GIPC2: variants seen among roughly 807,000 people sequenced by gnomAD.
GIPC2 encodes the protein GIPC PDZ domain containing family member 2, also known as PDZ domain-containing protein GIPC2.
Under a neutral mutation model 30.6 loss-of-function variants are expected in GIPC2, and 30 were observed. The ratio of observed to expected loss-of-function variants is 0.98; its 90% CI spans 0.73 to 1.33. GIPC2 has a LOEUF of 1.33. GIPC2 is among the 40% of genes most tolerant of loss of function. The pLI, the probability that GIPC2 is intolerant of heterozygous loss-of-function variation, is 0.00. For missense variants in GIPC2, 414 were observed against 390.3 expected, an observed-to-expected ratio of 1.06 and a Z score of -0.51; for synonymous variants, 167 against 150.0, an observed-to-expected ratio of 1.11 and a Z score of -0.83.
At chr1:78,077,812 G>A (rs1184799816) in intron 1 of GIPC2, among the ~76,000 whole-genome samples, 1 of 152,228 alleles carries the variant, frequency 6.6e-6, no homozygotes, top group Non-Finnish European at 1.5e-5. Context: ...AAAGCTCACA[G>A]TAGCTTCTTA....
chr1:78,125,099 T>C (rs1055585113), intron 4 of GIPC2, among the ~76,000 whole-genome samples: 1 of 152,194 alleles, frequency 6.6e-6, no homozygotes, highest in Non-Finnish European at 1.5e-5. Flanking sequence ...GGCAGAATTA[T>C]GGCTCACTAC....
chr1:78,088,132 G>T (rs1170752714), intron 2 of GIPC2, among the ~76,000 whole-genome samples: 1 of 152,146 alleles, frequency 6.6e-6, no homozygotes, highest in Admixed American at 6.5e-5. Context: ...AGAGAAAAGG[G>T]AACCCTCATA....
rs1662109829 is a variant in GIPC2, at chr1:78,094,979, T to C, written c.454T>C (p.Ser152Pro). The C allele has an allele frequency of 7.5e-6, 12 of 1,601,840 alleles. No individual in the cohort carries two copies. The highest frequency in any genetic ancestry group is 1.0e-5 in the Non-Finnish European group (12 of 1,169,190). Residue 152 changes from serine to proline, a missense_variant, in exon 3 of 6, where the codon TCA (serine) becomes CCA (proline). Ser to Pro is a moderately conservative substitution (Grantham distance 74). Transcript: ENST00000370759. Reference sequence around the variant, plus strand: ...AATTAAAGATGGTGGTGTTATTGACTCAGTTAAAACAATCTGTGTTGGGGA... The same window carrying C: ...AATTAAAGATGGTGGTGTTATTGACCCAGTTAAAACAATCTGTGTTGGGGA... Reference protein sequence around the residue: ...KRIKDGGVIDSVKTICVGDHI... With the variant: ...KRIKDGGVIDPVKTICVGDHI...
intron 2 of GIPC2, among the ~76,000 whole-genome samples, chr1:78,083,590 T>G (rs1661871596): frequency 6.6e-6 from 1 of 152,212 alleles, no homozygotes; most frequent in African/African-American, 2.4e-5. Context: ...GAATTAATTT[T>G]TCCTATAATG....
At chr1:78,070,032 C>G (rs1349193274) in intron 1 of GIPC2, among the ~76,000 whole-genome samples, 1 of 152,172 alleles carries the variant, frequency 6.6e-6, no homozygotes, top group East Asian at 1.9e-4. Context: ...AAATATCACA[C>G]TCTCTTCAGA....
chr1:78,088,650 A>G (rs935443588), intron 2 of GIPC2, among the ~76,000 whole-genome samples: 1 of 152,094 alleles, frequency 6.6e-6, no homozygotes, highest in African/African-American at 2.4e-5. Flanking sequence ...AAAATCCCTT[A>G]ACCCCAACAT....
intron 3 of GIPC2, among the ~76,000 whole-genome samples, chr1:78,106,335 G>A (rs1276004200): frequency 2.6e-5 from 4 of 151,894 alleles, no homozygotes; most frequent in East Asian, 3.9e-4. Context: ...CGAGATGGGC[G>A]GATCACGAGG....
At chr1:78,118,617 C>T (rs1484398261) in intron 3 of GIPC2, among the ~76,000 whole-genome samples, 1 of 152,204 alleles carries the variant, frequency 6.6e-6, no homozygotes, top group Non-Finnish European at 1.5e-5. Context: ...CTTGTCCTTG[C>T]TGTCTGCAGG....
In GIPC2 at chr1:78,132,665, ATG is replaced by A. The variant is rs61463492; in HGVS notation, c.797-2895_797-2894del. On this transcript the variant is annotated intron_variant, in intron 5 of 5. Transcript: ENST00000370759. ...TTCTTTTTCCCTCTTATAGCCAAGG[ATG>A]TGTGTGTGTGTGTGTGTGTGTGTGT... 3.8e-3 allele frequency among the ~76,000 whole-genome samples: 544 copies of A among 142,666 alleles called. 3 individuals are homozygous for A. The highest frequency in any genetic ancestry group is 0.012 in the African/African-American group (453 of 38,532). 93.6% of individuals were successfully genotyped at this position (142,666 alleles called of 152,430 possible).
intron 3 of GIPC2, among the ~76,000 whole-genome samples, chr1:78,107,343 C>T (rs1350825779): frequency 6.6e-6 from 1 of 152,016 alleles, no homozygotes; most frequent in Non-Finnish European, 1.5e-5. Flanking sequence ...TGGGATCTCA[C>T]TCCTTTGCCC....
rs1427142023 is a variant in GIPC2, at chr1:78,046,135, A to G, written c.41A>G (p.Lys14Arg). ...CGGGGGAAGAAGAAGGCCAAGTCCAAGGAGACCGCCGGGCTGGTGGAGGGC... is the reference window on the plus strand; with the variant it reads ...CGGGGGAAGAAGAAGGCCAAGTCCAGGGAGACCGCCGGGCTGGTGGAGGGC... Reference protein sequence around the residue: ...KLRGKKKAKSKETAGLVEGEP... With the variant: ...KLRGKKKAKSRETAGLVEGEP... Residue 14 changes from lysine (K) to arginine (R), a missense_variant, in exon 1 of 6, where the codon AAG becomes AGG. By Grantham distance (26) the Lys-to-Arg change is conservative. Transcript: ENST00000370759. The G allele has an allele frequency of 2.0e-6, 3 of 1,528,610 alleles. No homozygotes were observed. Among genetic ancestry groups the G allele is most frequent in the Non-Finnish European group, 2.6e-6 (3 of 1,140,586 alleles). 94.7% of individuals were successfully genotyped at this position (1,528,610 alleles called of 1,614,324 possible).
chr1:78,100,655 T>G (rs1432148852), intron 3 of GIPC2, among the ~76,000 whole-genome samples: 1 of 151,946 alleles, frequency 6.6e-6, no homozygotes, highest in Admixed American at 6.6e-5. Flanking sequence ...AAGGGCTGGG[T>G]GCGGTGGTTC....
chr1:78,102,636 A>G (rs984163764), intron 3 of GIPC2, among the ~76,000 whole-genome samples: 1 of 152,174 alleles, frequency 6.6e-6, no homozygotes, highest in African/African-American at 2.4e-5. Flanking sequence ...AAGTTATTTA[A>G]CCTTTCTGTG....
At chr1:78,082,081 G>A (rs893231444) in intron 2 of GIPC2, among the ~76,000 whole-genome samples, 15 of 151,620 alleles carry the variant, frequency 9.9e-5, no homozygotes, top group Non-Finnish European at 1.5e-4. Flanking sequence ...CACTATTTTC[G>A]GCTTCTTTTG....
chr1:78,046,159 G>T lies in GIPC2; in HGVS notation c.65G>T (p.Gly22Val), dbSNP rs1343462450. 1 of 1,552,622 alleles carries T rather than the reference G, an allele frequency of 6.4e-7. No homozygotes were observed. ...KSKETAGLVE[G>V]EPTGAGGGSL... is the part of the protein sequence containing the mutation. ...AAGGAGACCGCCGGGCTGGTGGAGG[G>T]CGAGCCGACGGGCGCGGGCGGCGGG... Residue 22 changes from glycine (G) to valine (V), a missense_variant, in exon 1 of 6, where the codon GGC (glycine) becomes GTC (valine). Transcript: ENST00000370759.
At chr1:78,120,823 C>A (rs2100430496) in intron 4 of GIPC2, among the ~76,000 whole-genome samples, 1 of 152,298 alleles carries the variant, frequency 6.6e-6, no homozygotes. Flanking sequence ...GTCCCTCCCA[C>A]AACATGTGGG....
At chr1:78,106,844 T>C (rs912309663) in intron 3 of GIPC2, among the ~76,000 whole-genome samples, 3 of 151,104 alleles carry the variant, frequency 2.0e-5, no homozygotes, top group African/African-American at 7.3e-5. Context: ...CCATGACTAA[T>C]TTTGTATTTT....
At chr1:78,121,652 G>A (rs985767077) in intron 4 of GIPC2, among the ~76,000 whole-genome samples, 4 of 152,124 alleles carry the variant, frequency 2.6e-5, no homozygotes, top group African/African-American at 9.7e-5. Flanking sequence ...AGAGGCAAAT[G>A]GCAACGAAGA....
intron 3 of GIPC2, among the ~76,000 whole-genome samples, chr1:78,111,978 G>A (rs949658468): frequency 6.6e-6 from 1 of 152,174 alleles, no homozygotes; most frequent in Non-Finnish European, 1.5e-5. Context: ...TGATCAGAAT[G>A]CAATTGAGAG....
Sources: gnomAD v4.1 joint callset for allele counts (sites outside exome capture counted in the v4.1 genomes callset) on GRCh38, gnomAD v4.1.1 for gene constraint, MANE v1.5 for transcripts, NCBI Gene and HGNC (gene_info 2026-07-23, HGNC 2026-07-21) for gene names.